TSPAN7: variants seen among roughly 807,000 people sequenced by gnomAD.
TSPAN7 encodes tetraspanin 7, also known as tetraspanin-7.
TSPAN7 carries 1 observed loss-of-function variant against 17.6 expected under a neutral mutation model. The observed-to-expected ratio is 0.06, with a 90% confidence interval of 0.02 to 0.27. The LOEUF is 0.27. Among genes scored for constraint, TSPAN7 ranks in the 10% least tolerant of loss-of-function variants. The pLI is 1.00. For missense variants in TSPAN7, 112 were observed against 201.7 expected (o/e 0.56, Z 2.69); for synonymous variants, 78 against 79.0 (o/e 0.99, Z 0.07).
rs1291965379 is a variant in TSPAN7 at position 38,562,916 on chromosome X, C to T, written c.81+1289C>T. Reference sequence around the variant, plus strand: ...TCAACCTTTGCTTGTTTTCTTCTTGCACCCCTCACCCCCGCCCCTCACCCA... The same window carrying T: ...TCAACCTTTGCTTGTTTTCTTCTTGTACCCCTCACCCCCGCCCCTCACCCA... On this transcript the variant is annotated intron_variant, in intron 1 of 7. Coordinates refer to ENST00000378482, the MANE Select transcript of TSPAN7 (RefSeq NM_004615.4). 3.6e-6 allele frequency: 3 copies of T among 843,799 alleles called. No homozygotes were observed. The East Asian group carries it at 2.5e-4, about 71-fold the overall frequency. The allele number at this position is 843,799 out of a possible 1,213,427, so 69.5% of individuals were successfully genotyped here.
intron 1 of TSPAN7, among the ~76,000 whole-genome samples, chrX:38,603,330 C>T (rs1030555578): frequency 5.4e-5 from 6 of 112,022 alleles, no homozygotes; most frequent in African/African-American, 1.6e-4. Flanking sequence ...GCTGCAGACA[C>T]TTTGGGAAAC....
Position 38,674,304 on chromosome X carries a change from T to C in TSPAN7, c.429T>C (p.His143=), listed in dbSNP as rs779879103. Residue 143 remains histidine, a synonymous_variant, in exon 4 of 8, where the codon CAT becomes CAC. Coordinates refer to ENST00000378482, the MANE Select transcript of TSPAN7 (RefSeq NM_004615.4). ...GNDERSRAVD[H]VQRSLSCCGV... ...ATGAGAGGAGCCGGGCAGTGGACCATGTGCAGCGCAGCGTAAGTTCCAGAG... is the reference window on the plus strand; with the variant it reads ...ATGAGAGGAGCCGGGCAGTGGACCACGTGCAGCGCAGCGTAAGTTCCAGAG... 1.7e-5 allele frequency: 20 copies of C among 1,189,936 alleles called. No individual in the cohort carries two copies. The South Asian group carries it at 3.1e-4, about 19-fold the overall frequency.
At position 38,688,870 on chromosome X, in the gene TSPAN7, T is replaced by C. The variant is rs1363182219; in HGVS notation, c.*939T>C. 1 of 112,446 alleles carries C rather than the reference T, an allele frequency of 8.9e-6. No homozygotes were observed. Among genetic ancestry groups the C allele is most frequent in the Admixed American group, 9.4e-5 (1 of 10,594 alleles). The allele number at this position is 112,446 out of a possible 1,213,427, so 9.3% of individuals were successfully genotyped here. ...GCATGCCAACAAGAATGCATTGATA[T>C]TGTGAACATTTGTGATATATGTATT... On this transcript the variant is annotated 3_prime_UTR_variant, in exon 8 of 8. Coordinates refer to ENST00000378482, the MANE Select transcript of TSPAN7 (RefSeq NM_004615.4).
chrX:38,593,638 G>A, intron 1 of TSPAN7, among the ~76,000 whole-genome samples: 1 of 111,989 alleles, frequency 8.9e-6, no homozygotes, highest in Non-Finnish European at 1.9e-5. Flanking sequence ...TGCTGTTATT[G>A]CAAGAATGGG....
intron 1 of TSPAN7, among the ~76,000 whole-genome samples, chrX:38,658,376 C>T (rs1374269513): frequency 9.2e-6 from 1 of 108,319 alleles, no homozygotes; most frequent in Non-Finnish European, 1.9e-5. Context: ...GATGGGGTCT[C>T]ACTATGTTGC....
chrX:38,622,893 T>C (rs2069496967), intron 1 of TSPAN7: 1 of 330,059 alleles, frequency 3.0e-6, no homozygotes, highest in African/African-American at 2.6e-5. Context: ...TTTCTGTTTG[T>C]TTGGGATAGC....
At chrX:38,668,804 T>C (rs758866973) in intron 2 of TSPAN7, among the ~76,000 whole-genome samples, 1 of 112,207 alleles carries the variant, frequency 8.9e-6, no homozygotes, top group African/African-American at 3.2e-5. Flanking sequence ...GTAGGATTGC[T>C]GGATCATATG....
chrX:38,666,988 A>C (rs899863833), intron 2 of TSPAN7, among the ~76,000 whole-genome samples: 1 of 112,171 alleles, frequency 8.9e-6, no homozygotes, highest in Non-Finnish European at 1.9e-5. Context: ...TCCTGAACAT[A>C]AGCAGACTTT....
chrX:38,682,600 A>G, intron 6 of TSPAN7, among the ~76,000 whole-genome samples: 1 of 112,146 alleles, frequency 8.9e-6, no homozygotes, highest in African/African-American at 3.2e-5. Flanking sequence ...CAACACAAAT[A>G]TGTTTCTTGT....
chrX:38,626,940 T>C (rs1569308852), intron 1 of TSPAN7, among the ~76,000 whole-genome samples: 2 of 111,234 alleles, frequency 1.8e-5, no homozygotes, highest in Non-Finnish European at 3.8e-5. Context: ...TGGCTCTGCT[T>C]CGTGTGTATC....
intron 5 of TSPAN7, among the ~76,000 whole-genome samples, chrX:38,680,070 C>T (rs948189862): frequency 2.7e-5 from 3 of 111,285 alleles, no homozygotes; most frequent in East Asian, 2.8e-4. Context: ...CAACAAACCC[C>T]GACGACACAA....
intron 1 of TSPAN7, among the ~76,000 whole-genome samples, chrX:38,643,846 AAAAAT>A (rs1264310034): frequency 2.7e-5 from 3 of 111,359 alleles, no homozygotes; most frequent in Admixed American, 1.9e-4. Context: ...CTCCGTCTCA[AAAAAT>A]AAAATAAAAT....
rs1264784717 is a variant in TSPAN7, at chrX:38,605,338, G to A, written c.81+43711G>A. 2.4e-4 allele frequency among the ~76,000 whole-genome samples: 26 copies of A among 109,981 alleles called. 1 individual carries two copies. The highest frequency in any genetic ancestry group is 2.1e-3 in the Admixed American group (22 of 10,334). On this transcript the variant is annotated intron_variant, in intron 1 of 7. Transcript: ENST00000378482. ...GCTTCAAAGAGAATAAAATACCTAG[G>A]AATCCAACTTACAAGGGATGTGAAG... is the stretch of plus-strand genomic sequence containing the variant.
chrX:38,633,965 T>C (rs2069565301), intron 1 of TSPAN7, among the ~76,000 whole-genome samples: 2 of 111,814 alleles, frequency 1.8e-5, no homozygotes, highest in African/African-American at 6.5e-5. Context: ...AATTTATACA[T>C]GAGATGATTG....
chrX:38,615,636 T>C (rs777926950), intron 1 of TSPAN7, among the ~76,000 whole-genome samples: 2 of 112,413 alleles, frequency 1.8e-5, no homozygotes, highest in African/African-American at 6.5e-5. Flanking sequence ...CTAGACCTTT[T>C]ACCTAGAGAA....
chrX:38,647,038 TA>T (rs1433080701), intron 1 of TSPAN7, among the ~76,000 whole-genome samples: 1 of 111,768 alleles, frequency 8.9e-6, no homozygotes, highest in Admixed American at 9.5e-5. Context: ...GGGGAGAAAA[TA>T]GGCATCAAAG....
At chrX:38,565,381 C>T (rs2069136898) in intron 1 of TSPAN7, among the ~76,000 whole-genome samples, 1 of 111,576 alleles carries the variant, frequency 9.0e-6, no homozygotes, top group African/African-American at 3.3e-5. Context: ...AGGTGTGTGC[C>T]ACCACGCCCG....
chrX:38,646,661 T>A (rs1406986513), intron 1 of TSPAN7, among the ~76,000 whole-genome samples: 1 of 112,619 alleles, frequency 8.9e-6, no homozygotes, highest in Non-Finnish European at 1.9e-5. Flanking sequence ...ATGTGTAATT[T>A]ACATGCTGTA....
At position 38,677,799 on chromosome X, in the gene TSPAN7, A is replaced by G. The variant is rs148823369; in HGVS notation, c.597+1939A>G. 1.4e-4 allele frequency among the ~76,000 whole-genome samples: 16 copies of G among 112,723 alleles called. No homozygotes were observed. In the East Asian group the frequency reaches 3.9e-3, roughly 27 times the overall value. ...GAGACAAATTACTTTTCCTGACTCA[A>G]TGTCAGACACCTAATCTATACAAGG... On this transcript the variant is annotated intron_variant, in intron 5 of 7. Transcript: ENST00000378482.
Sources: allele counts gnomAD v4.1 joint callset (sites outside exome capture counted in the v4.1 genomes callset), GRCh38; gene constraint gnomAD v4.1.1; transcripts MANE v1.5; gene names NCBI Gene and HGNC (gene_info 2026-07-23, HGNC 2026-07-21).